The following LIPC variants were observed in gnomAD, a reference collection of about 807,000 sequenced individuals.
LIPC encodes the protein lipase C, hepatic type, also known as hepatic triacylglycerol lipase.
In LIPC, 44 loss-of-function variants were observed where a neutral mutation model predicts 50.7. That is an observed-to-expected ratio of 0.87 (90% CI 0.68 to 1.11). LIPC has a LOEUF of 1.11. Ranked by LOEUF, LIPC falls within the 50% of genes most tolerant of loss-of-function variation. The pLI, the probability that LIPC is intolerant of heterozygous loss-of-function variation, is 0.00. For synonymous variants in LIPC, 271 were observed against 256.4 expected (o/e 1.06, Z -0.54); for missense variants, 697 against 648.2 (o/e 1.08, Z -0.82).
At chr15:58,490,050 T>C (rs1891532816) in intron 1 of LIPC, among the ~76,000 whole-genome samples, 1 of 152,222 alleles carries the variant, frequency 6.6e-6, no homozygotes, top group Non-Finnish European at 1.5e-5. Context: ...TTCTAGGTTC[T>C]TTGCAATACT....
intron 6 of LIPC, among the ~76,000 whole-genome samples, chr15:58,560,422 C>T (rs1302258573): frequency 1.3e-5 from 2 of 152,298 alleles, no homozygotes; most frequent in Non-Finnish European, 1.5e-5. Context: ...CACCCTGAAA[C>T]ACACCCCATC....
At chr15:58,508,699 C>T (rs561197281) in intron 1 of LIPC, among the ~76,000 whole-genome samples, 2 of 145,990 alleles carry the variant, frequency 1.4e-5, no homozygotes, top group East Asian at 2.0e-4. Flanking sequence ...TGACATAGTC[C>T]CCAACAAGGT....
At chr15:58,476,709 G>C (rs1243266024) in intron 1 of LIPC, among the ~76,000 whole-genome samples, 1 of 152,240 alleles carries the variant, frequency 6.6e-6, no homozygotes, top group Non-Finnish European at 1.5e-5. Flanking sequence ...CCAGGTGCTA[G>C]CTCTGGGACA....
intron 1 of LIPC, among the ~76,000 whole-genome samples, chr15:58,450,750 T>C (rs1031388877): frequency 3.3e-5 from 5 of 152,122 alleles, no homozygotes; most frequent in African/African-American, 1.2e-4. Context: ...GCTAACTTTA[T>C]TGAGTGAAAG....
At chr15:58,498,042 T>G (rs1198135880) in intron 1 of LIPC, among the ~76,000 whole-genome samples, 1 of 152,224 alleles carries the variant, frequency 6.6e-6, no homozygotes, top group Non-Finnish European at 1.5e-5. Flanking sequence ...CAACATGCCT[T>G]GCACACACTA....
intron 1 of LIPC, among the ~76,000 whole-genome samples, chr15:58,475,008 C>T (rs1435216885): frequency 1.3e-5 from 2 of 152,170 alleles, no homozygotes; most frequent in Non-Finnish European, 2.9e-5. Context: ...AATGAGTTCT[C>T]AAATGCCACC....
chr15:58,474,839 G>C (rs535296126), intron 1 of LIPC, among the ~76,000 whole-genome samples: 1 of 152,108 alleles, frequency 6.6e-6, no homozygotes, highest in Non-Finnish European at 1.5e-5. Context: ...AGCTACTCCT[G>C]CATGGAGGCA....
At chr15:58,495,749 C>T (rs1372282670) in intron 1 of LIPC, among the ~76,000 whole-genome samples, 9 of 152,190 alleles carry the variant, frequency 5.9e-5, no homozygotes, top group African/African-American at 1.9e-4. Flanking sequence ...TTTCTTTCCC[C>T]ATGAAGAATG....
Position 58,473,929 on chromosome 15 carries a change from T to G in LIPC, c.88+41809T>G, listed in dbSNP as rs190613303. ...GACTATAGCTGTTTTGCATTCCTTA[T>G]CTTGTGTTGAAGCAAACCAGGTAAG... is the stretch of plus-strand genomic sequence containing the variant. On this transcript the variant is annotated intron_variant, in intron 1 of 8. Transcript: ENST00000299022. 162 of 152,504 alleles carry G rather than the reference T, an allele frequency of 1.1e-3. 2 individuals are homozygous for G. The highest frequency in any genetic ancestry group is 1.5e-4 in the Non-Finnish European group (10 of 68,054). The allele number at this position is 152,504 out of a possible 1,614,324, so 9.4% of individuals were successfully genotyped here.
chr15:58,447,147 C>CAAAAAA, intron 1 of LIPC, among the ~76,000 whole-genome samples: 1 of 62,304 alleles, frequency 1.6e-5, no homozygotes, highest in Non-Finnish European at 3.0e-5. Context: ...GACTCCATCT[C>CAAAAAA]AAAAAAAAAA....
At chr15:58,529,239 C>G (rs919843314) in intron 1 of LIPC, among the ~76,000 whole-genome samples, 4 of 152,334 alleles carry the variant, frequency 2.6e-5, no homozygotes, top group Non-Finnish European at 5.9e-5. Context: ...AAGCCAAGAT[C>G]TCTCATGGCA....
chr15:58,466,314 T>C (rs140291534), intron 1 of LIPC, among the ~76,000 whole-genome samples: 2 of 152,286 alleles, frequency 1.3e-5, no homozygotes, highest in Non-Finnish European at 2.9e-5. Flanking sequence ...GTTCTGGAAA[T>C]TCCCCCACAC....
intron 1 of LIPC, among the ~76,000 whole-genome samples, chr15:58,451,211 G>C (rs1893888389): frequency 6.6e-6 from 1 of 152,300 alleles, no homozygotes; most frequent in South Asian, 2.1e-4. Context: ...CGAGTGACAG[G>C]TAGAGCAGTG....
intron 8 of LIPC, chr15:58,565,260 C>T: frequency 6.5e-7 from 1 of 1,535,638 alleles, no homozygotes. Context: ...ACTCTTTGGC[C>T]CATTGGAGCA....
intron 1 of LIPC, among the ~76,000 whole-genome samples, chr15:58,433,943 T>C (rs538328882): frequency 1.3e-5 from 2 of 152,320 alleles, no homozygotes; most frequent in Admixed American, 1.3e-4. Context: ...ATGATGTCTT[T>C]CTGGGGAAAC....
intron 8 of LIPC, among the ~76,000 whole-genome samples, chr15:58,566,882 G>A (rs1335710770): frequency 2.6e-5 from 4 of 152,166 alleles, no homozygotes; most frequent in Non-Finnish European, 5.9e-5. Context: ...TAAAGATGTG[G>A]AGAAACGGGC....
intron 1 of LIPC, among the ~76,000 whole-genome samples, chr15:58,484,687 C>T (rs1451032781): frequency 6.6e-6 from 1 of 152,200 alleles, no homozygotes; most frequent in African/African-American, 2.4e-5. Context: ...GGAGCCCACA[C>T]ACTCTGACTC....
At chr15:58,515,141 C>T (rs374278942) in intron 1 of LIPC, among the ~76,000 whole-genome samples, 3 of 152,114 alleles carry the variant, frequency 2.0e-5, no homozygotes, top group African/African-American at 4.8e-5. Context: ...TTATAAGAAC[C>T]CTTGTGATTA....
At chr15:58,503,309 A>T (rs1428585207) in intron 1 of LIPC, among the ~76,000 whole-genome samples, 1 of 152,150 alleles carries the variant, frequency 6.6e-6, no homozygotes, top group African/African-American at 2.4e-5. Flanking sequence ...AGGATCTGTC[A>T]CTGGATTTGC....
Sources: gnomAD v4.1 joint callset for allele counts (sites outside exome capture counted in the v4.1 genomes callset) on GRCh38, gnomAD v4.1.1 for gene constraint, MANE v1.5 for transcripts, NCBI Gene and HGNC (gene_info 2026-07-23, HGNC 2026-07-21) for gene names.